Variants in CD9 observed in about 807,000 individuals in gnomAD.
CD9 encodes CD9 molecule, also known as CD9 antigen.
Under a neutral mutation model 31.4 loss-of-function variants are expected in CD9, and 10 were observed. The ratio of observed to expected loss-of-function variants is 0.32; its 90% CI spans 0.20 to 0.54. CD9 has a LOEUF of 0.54. Ranked by LOEUF, CD9 falls within the 20% of genes least tolerant of loss-of-function variation. The probability of loss-of-function intolerance (pLI) is 0.94; values close to 1 mark genes in which losing one functional copy is unlikely to be tolerated. For synonymous variants in CD9, 113 were observed against 114.1 expected (o/e 0.99, Z 0.06); for missense variants, 259 against 300.1 (o/e 0.86, Z 1.01).
chr12:6,219,647 G>A (rs538475433), intron 1 of CD9, among the ~76,000 whole-genome samples: 15 of 151,992 alleles, frequency 9.9e-5, no homozygotes, highest in East Asian at 7.8e-4. Flanking sequence ...CACCACGCCC[G>A]GCTAATTTTT....
intron 1 of CD9, 134 bp downstream of exon 1, chr12:6,200,699 C>T (rs532339095): frequency 8.8e-6 from 5 of 568,520 alleles, no homozygotes; most frequent in African/African-American, 2.0e-5. Flanking sequence ...AGAGAGAGCG[C>T]CCTGCGGCTG....
chr12:6,230,923 T>G (rs745866695), intron 2 of CD9, among the ~76,000 whole-genome samples: 5 of 152,118 alleles, frequency 3.3e-5, no homozygotes, highest in Non-Finnish European at 7.3e-5. Flanking sequence ...GAACAAACGC[T>G]CTCTGTGTGC....
At chr12:6,202,690 A>G (rs1035884109) in intron 1 of CD9, among the ~76,000 whole-genome samples, 5 of 152,208 alleles carry the variant, frequency 3.3e-5, no homozygotes, top group African/African-American at 1.2e-4. Context: ...ACTCGTATTC[A>G]GAACCCCCTA....
At chr12:6,230,496 C>T (rs896614429) in intron 2 of CD9, among the ~76,000 whole-genome samples, 1 of 152,252 alleles carries the variant, frequency 6.6e-6, no homozygotes, top group African/African-American at 2.4e-5. Context: ...TGTTCGTTCC[C>T]ACTCCACGGT....
At position 6,233,407 on chromosome 12, in the gene CD9, T is replaced by A; in HGVS notation, c.274-5T>A. The A allele has an allele frequency of 6.2e-7, 1 of 1,613,296 alleles. No individual in the cohort carries two copies. Among genetic ancestry groups the A allele is most frequent in the South Asian group, 1.1e-5 (1 of 91,068 alleles). On this transcript the variant is annotated splice_polypyrimidine_tract_variant and splice_region_variant and intron_variant, in intron 3 of 7. Coordinates refer to ENST00000009180, the MANE Select transcript of CD9 (RefSeq NM_001769.4). ...TTCTCACCCCGTCCCCTCGTTGCCT[T>A]CCAGTTCTTCGGCTTCCTCTTGGTG...
At chr12:6,208,294 G>A (rs1174815821) in intron 1 of CD9, among the ~76,000 whole-genome samples, 1 of 151,078 alleles carries the variant, frequency 6.6e-6, no homozygotes, top group Non-Finnish European at 1.5e-5. Flanking sequence ...AGTTTCCAGT[G>A]ACACCTCTGA....
chr12:6,224,467 G>A (rs1170313658), intron 1 of CD9, among the ~76,000 whole-genome samples: 1 of 152,094 alleles, frequency 6.6e-6, no homozygotes, highest in Non-Finnish European at 1.5e-5. Flanking sequence ...CTGCCATATC[G>A]TAAGGGAAAG....
chr12:6,221,147 A>G (rs1486517510), intron 1 of CD9, among the ~76,000 whole-genome samples: 2 of 152,114 alleles, frequency 1.3e-5, no homozygotes, highest in Non-Finnish European at 2.9e-5. Flanking sequence ...AGAAATTTCC[A>G]GTAAAACAAT....
intron 1 of CD9, among the ~76,000 whole-genome samples, chr12:6,215,201 C>T (rs1029653372): frequency 1.2e-4 from 18 of 152,344 alleles, no homozygotes; most frequent in African/African-American, 4.1e-4. Flanking sequence ...CTCCCTAACA[C>T]ACACAAAGCA....
At position 6,236,244 on chromosome 12, in the gene CD9, G is replaced by A. The variant is rs1014032688; in HGVS notation, c.590G>A (p.Gly197Asp). The change falls in exon 7 of 8, where the codon GGC becomes GAC. Residue 197 changes from glycine (G) to aspartate (D), a missense_variant. Transcript: ENST00000009180. The part of the protein sequence containing the change: ...EVFDNKFHII[G>D]AVGIGIAVVM... ...TTCGACAATAAATTCCACATCATCG[G>A]CGCAGTGGGCATCGGCATTGCCGTG... 2 of 1,614,098 alleles carry A rather than the reference G, an allele frequency of 1.2e-6. No homozygotes were observed. The highest frequency in any genetic ancestry group is 1.7e-6 in the Non-Finnish European group (2 of 1,180,044).
intron 1 of CD9, 145 bp from the exon 2 acceptor site, chr12:6,225,281 A>G (rs1946348916): frequency 3.2e-6 from 2 of 632,448 alleles, no homozygotes; most frequent in African/African-American, 3.6e-5. Flanking sequence ...ACACCCCGTA[A>G]TGGCATCTAC....
At chr12:6,214,801 T>TTGTG (rs1946228000) in intron 1 of CD9, among the ~76,000 whole-genome samples, 1 of 151,968 alleles carries the variant, frequency 6.6e-6, no homozygotes, top group Non-Finnish European at 1.5e-5. Flanking sequence ...CTGCTGCAGG[T>TTGTG]TGTGGGAGCC....
intron 3 of CD9, 101 bp from the exon 4 acceptor site, chr12:6,233,310 GT>G: frequency 2.4e-6 from 2 of 830,752 alleles, no homozygotes; most frequent in Non-Finnish European, 4.2e-6. Context: ...CCAGATGCCT[GT>G]TCCCAGGGAG....
At chr12:6,224,779 G>A (rs554459060) in intron 1 of CD9, among the ~76,000 whole-genome samples, 2 of 152,260 alleles carry the variant, frequency 1.3e-5, no homozygotes, top group African/African-American at 4.8e-5. Flanking sequence ...CAGTGCCAGC[G>A]AGGGGAGGCC....
chr12:6,237,040 G>A (rs1225673681), intron 7 of CD9, among the ~76,000 whole-genome samples: 1 of 152,108 alleles, frequency 6.6e-6, no homozygotes, highest in Admixed American at 6.5e-5. Context: ...GTGCAGTGGT[G>A]TGATCTCGAC....
At chr12:6,207,453 C>T (rs368169272) in intron 1 of CD9, among the ~76,000 whole-genome samples, 77 of 152,330 alleles carry the variant, frequency 5.1e-4, no homozygotes, top group African/African-American at 1.7e-3. Context: ...GGTTTTCACT[C>T]GGTTAATTTA....
intron 1 of CD9, among the ~76,000 whole-genome samples, chr12:6,215,170 C>T (rs778946805): frequency 2.0e-5 from 3 of 152,180 alleles, no homozygotes; most frequent in African/African-American, 7.2e-5. Context: ...CCTGCTCCCT[C>T]GTGGGGCTGG....
At chr12:6,217,379 A>T (rs950731157) in intron 1 of CD9, among the ~76,000 whole-genome samples, 1 of 152,066 alleles carries the variant, frequency 6.6e-6, no homozygotes, top group East Asian at 1.9e-4. Context: ...AGAAAAAAAA[A>T]AATTAGCCAT....
chr12:6,221,982 C>T (rs1946297590), intron 1 of CD9, among the ~76,000 whole-genome samples: 1 of 152,112 alleles, frequency 6.6e-6, no homozygotes, highest in Non-Finnish European at 1.5e-5. Flanking sequence ...GTGACGAGAG[C>T]AAGACCCTGT....
Sources: gnomAD v4.1 joint callset for allele counts (sites outside exome capture counted in the v4.1 genomes callset) on GRCh38, gnomAD v4.1.1 for gene constraint, MANE v1.5 for transcripts, NCBI Gene and HGNC (gene_info 2026-07-23, HGNC 2026-07-21) for gene names.